The following SEC16B variants were observed in gnomAD, a reference collection of about 807,000 sequenced individuals.
The protein encoded by SEC16B is protein transport protein Sec16B.
A neutral mutation model predicts 141.8 loss-of-function variants in SEC16B; 115 were observed. That is an observed-to-expected ratio of 0.81 (90% CI 0.70 to 0.95). The LOEUF (loss-of-function observed/expected upper bound fraction) is 0.95. Among genes scored for constraint, SEC16B ranks in the 40% least tolerant of loss-of-function variants. SEC16B has a pLI of 0.00. For missense variants in SEC16B, 1,291 were observed against 1,312.3 expected (o/e 0.98, Z 0.25); for synonymous variants, 493 against 492.5 (o/e 1.00, Z -0.01).
chr1:177,961,585 C>A lies in SEC16B; in HGVS notation c.787+5G>T. 6.2e-7 allele frequency: 1 copy of A among 1,603,362 alleles called. No homozygotes were observed. The highest frequency in any genetic ancestry group is 8.5e-7 in the Non-Finnish European group (1 of 1,177,276). ...ATCAACTCTTCTGATCATTTTAGAA[C>A]CCACCAGCCTGAACTGGACTCCAAG... On this transcript the variant is annotated splice_donor_5th_base_variant and intron_variant, in intron 6 of 25. Transcript: ENST00000308284.
intron 13 of SEC16B, among the ~76,000 whole-genome samples, chr1:177,947,137 A>G (rs1651775691): frequency 6.6e-6 from 1 of 152,020 alleles, no homozygotes; most frequent in Admixed American, 6.5e-5. Flanking sequence ...GCACAACCTA[A>G]CCCATAGCTA....
At chr1:177,931,689 T>C (rs998677215) in intron 24 of SEC16B, among the ~76,000 whole-genome samples, 2 of 152,094 alleles carry the variant, frequency 1.3e-5, no homozygotes, top group Admixed American at 1.3e-4. Flanking sequence ...GGGTCTGGAG[T>C]GGCAATACTG....
At chr1:177,933,723 A>C in intron 20 of SEC16B, 87 bp from the exon 21 acceptor site, 1 of 1,338,196 alleles carries the variant, frequency 7.5e-7, no homozygotes. Flanking sequence ...TGACCTGCTC[A>C]GAAGGCAGTG....
chr1:177,935,264 C>G (rs547774265), intron 20 of SEC16B, among the ~76,000 whole-genome samples: 1 of 151,818 alleles, frequency 6.6e-6, no homozygotes, highest in African/African-American at 2.4e-5. Context: ...GTCTGATGTG[C>G]TGATGCCTCC....
intron 14 of SEC16B, among the ~76,000 whole-genome samples, chr1:177,944,988 C>T (rs2022872134): frequency 6.6e-6 from 1 of 152,194 alleles, no homozygotes; most frequent in Non-Finnish European, 1.5e-5. Flanking sequence ...CCTCGAAGGA[C>T]ACTGGGCCCT....
intron 1 of SEC16B, among the ~76,000 whole-genome samples, chr1:177,976,054 C>G (rs1167891167): frequency 6.6e-6 from 1 of 152,228 alleles, no homozygotes; most frequent in Admixed American, 6.5e-5. Flanking sequence ...TTACCACAAC[C>G]TTAGGAGTGA....
At position 177,957,800 on chromosome 1, in the gene SEC16B, T is replaced by TCCCACCCTCCCC. The variant is rs1384662607; in HGVS notation, c.1365+320_1365+331dup. On this transcript the variant is annotated intron_variant, in intron 10 of 25. Transcript: ENST00000308284. ...CACCCATTAACCCACCCACCCTCCCTCCCACCCTCCCCTACTGCCCTTCCC... is the reference window on the plus strand; with the variant it reads ...CACCCATTAACCCACCCACCCTCCCTCCCACCCTCCCCCCCACCCTCCCCTACTGCCCTTCCC... Among the ~76,000 whole-genome samples, 103 of 19,928 alleles carry TCCCACCCTCCCC rather than the reference T, an allele frequency of 5.2e-3. No individual in the cohort carries two copies. The South Asian group carries it at 0.053, about 10-fold the overall frequency. 13.1% of individuals were successfully genotyped at this position (19,928 alleles called of 152,430 possible).
rs1650533163 is a variant in SEC16B at position 177,932,723 on chromosome 1, A to G, written c.2907T>C (p.Asp969=). The part of the protein sequence containing the change: ...TPSPESPPLP[D]VSAFSRGRGG... ...CTCTGCCCCTGGAGAAGGCACTAAC[A>G]TCCGGCAGAGGTGGGGACTCAGGGG... The change falls in exon 23 of 26, where the codon GAT becomes GAC. Residue 969 remains aspartate, a synonymous_variant. Transcript: ENST00000308284. The G allele has an allele frequency of 1.2e-6, 2 of 1,603,040 alleles. No homozygotes were observed. Among genetic ancestry groups the G allele is most frequent in the Non-Finnish European group, 1.7e-6 (2 of 1,175,388 alleles).
At position 177,961,617 on chromosome 1, in the gene SEC16B, A is replaced by C; in HGVS notation, c.760T>G (p.Ser254Ala). 1 of 1,613,546 alleles carries C rather than the reference A, an allele frequency of 6.2e-7. No homozygotes were observed. ...DAPERDDPPASAAWSPVQADV... is the reference protein window; with the variant it reads ...DAPERDDPPAAAAWSPVQADV... ...GCCTGAACTGGACTCCAAGCTGCTG[A>C]AGCTGGGGGATCATCCCGCTCCGGG... Residue 254 changes from serine to alanine, a missense_variant, in exon 6 of 26, where the codon TCA becomes GCA. Transcript: ENST00000308284.
At chr1:177,971,779 A>T (rs542931603), upstream of SEC16B, among the ~76,000 whole-genome samples, 1 of 152,326 alleles carries the variant, frequency 6.6e-6, no homozygotes, top group African/African-American at 2.4e-5. Flanking sequence ...TGAAAATTAC[A>T]CTGGTGTGCT....
intron 2 of SEC16B, among the ~76,000 whole-genome samples, chr1:177,966,707 C>T (rs773794604): frequency 5.9e-5 from 9 of 152,028 alleles, no homozygotes; most frequent in African/African-American, 1.2e-4. Context: ...GGATTACAGG[C>T]ATGCACCACC....
chr1:177,944,323 C>T (rs1372570727), intron 15 of SEC16B, among the ~76,000 whole-genome samples: 1 of 152,180 alleles, frequency 6.6e-6, no homozygotes, highest in African/African-American at 2.4e-5. Context: ...CAAACATCAG[C>T]AGTGAGGCAG....
Position 177,954,362 on chromosome 1 carries a change from C to T in SEC16B, c.1380G>A (p.Trp460Ter), listed in dbSNP as rs560044969. 4.9e-5 allele frequency: 77 copies of T among 1,573,182 alleles called. No homozygotes were observed. In the South Asian group the frequency reaches 8.4e-4, roughly 17 times the overall value. ...YYGRKKEALE[W>*]AMKNHLWGHA... is the part of the protein sequence containing the mutation. ...GGCCCCACAAGTGGTTCTTCATGGC[C>T]CACTCCAAGGCTTCCTGAAAACCAA... Residue 460 changes from tryptophan (W) to a stop codon, truncating the protein, a stop_gained, in exon 11 of 26, where the codon TGG becomes TGA. Coordinates refer to ENST00000308284, the MANE Select transcript of SEC16B (RefSeq NM_033127.4). LOFTEE classifies it high-confidence loss of function.
At position 177,951,992 on chromosome 1, in the gene SEC16B, G is replaced by A. The variant is rs1652228995; in HGVS notation, c.1467C>T (p.Phe489=). The change falls in exon 12 of 26, where the codon TTC becomes TTT. Residue 489 remains phenylalanine, a synonymous_variant. Coordinates refer to ENST00000308284, the MANE Select transcript of SEC16B (RefSeq NM_033127.4). ...PQTYSWVMSG[F]TSTLALNDPL... The stretch of plus-strand genomic sequence containing the variant: ...GGTCATTGAGCGCCAGCGTGCTGGT[G>A]AAGCTGCGGAGAGAAGGATAGTCAG... 6.3e-7 allele frequency: 1 copy of A among 1,598,942 alleles called. No individual in the cohort carries two copies. The highest frequency in any genetic ancestry group is 1.7e-5 in the Admixed American group (1 of 58,150).
At chr1:177,977,747 T>C (rs1209373951) in intron 1 of SEC16B, among the ~76,000 whole-genome samples, 1 of 152,164 alleles carries the variant, frequency 6.6e-6, no homozygotes, top group Non-Finnish European at 1.5e-5. Flanking sequence ...CTTCATCATT[T>C]TGGGAAGTAG....
At chr1:177,945,023 C>T (rs1276174221) in intron 14 of SEC16B, among the ~76,000 whole-genome samples, 1 of 152,188 alleles carries the variant, frequency 6.6e-6, no homozygotes, top group Non-Finnish European at 1.5e-5. Flanking sequence ...AGAGAGCTGG[C>T]CCCCATGCCC....
At chr1:177,981,933 A>G (rs1448334111) in intron 1 of SEC16B, among the ~76,000 whole-genome samples, 1 of 152,228 alleles carries the variant, frequency 6.6e-6, no homozygotes, top group Non-Finnish European at 1.5e-5. Context: ...TACAAGTCAT[A>G]ATTAAAATCT....
At chr1:177,962,611 T>G (rs969167496) in intron 5 of SEC16B, among the ~76,000 whole-genome samples, 4 of 151,770 alleles carry the variant, frequency 2.6e-5, no homozygotes, top group Middle Eastern at 3.2e-3. Context: ...CTGGGCATGG[T>G]GGTGCACAAC....
chr1:177,958,173 C>A lies in SEC16B; in HGVS notation c.1324G>T (p.Val442Leu). The stretch of plus-strand genomic sequence containing the variant: ...TAGAGCAGCCTAGTGAATTTCTCCA[C>A]GATCTGCGCAGGTGTCTCCACACTG... ...PPSVETPAQIVEKFTRLLYYG... is the reference protein window; with the variant it reads ...PPSVETPAQILEKFTRLLYYG... Residue 442 changes from valine (V) to leucine (L), a missense_variant, in exon 10 of 26, where the codon GTG becomes TTG. Coordinates refer to ENST00000308284, the MANE Select transcript of SEC16B (RefSeq NM_033127.4). 6.4e-7 allele frequency: 1 copy of A among 1,562,914 alleles called. No homozygotes were observed. Among genetic ancestry groups the A allele is most frequent in the Non-Finnish European group, 8.7e-7 (1 of 1,152,276 alleles).
Sources: gnomAD v4.1 joint callset for allele counts (sites outside exome capture counted in the v4.1 genomes callset) on GRCh38, gnomAD v4.1.1 for gene constraint, MANE v1.5 for transcripts, NCBI Gene and HGNC (gene_info 2026-07-23, HGNC 2026-07-21) for gene names.